SNX29: variants seen among roughly 807,000 people sequenced by gnomAD.
SNX29 encodes the protein sorting nexin-29.
Under a neutral mutation model 102.1 loss-of-function variants are expected in SNX29, and 78 were observed. That is an observed-to-expected ratio of 0.76 (90% CI 0.64 to 0.92). SNX29 has a LOEUF of 0.92. SNX29 is among the 40% of genes least tolerant of loss of function. The pLI is 0.00. For missense variants in SNX29, 1,280 were observed against 1,061.7 expected (o/e 1.21, Z -2.86); for synonymous variants, 580 against 414.5 (o/e 1.40, Z -4.85).
chr16:12,477,909 G>A, intron 19 of SNX29, 50 bp downstream of exon 19: 1 of 1,531,794 alleles, frequency 6.5e-7, no homozygotes, highest in Non-Finnish European at 8.8e-7. Flanking sequence ...CGTTAAAATG[G>A]ATTATTTATT....
intron 14 of SNX29, among the ~76,000 whole-genome samples, chr16:12,219,931 TACAC>T (rs1409280317): frequency 6.6e-6 from 1 of 152,174 alleles, no homozygotes; most frequent in Admixed American, 6.5e-5. Flanking sequence ...CACACACGTG[TACAC>T]ACACGTGCAC....
intron 11 of SNX29, among the ~76,000 whole-genome samples, chr16:12,099,824 A>G (rs1036105241): frequency 3.3e-5 from 5 of 152,156 alleles, no homozygotes; most frequent in Middle Eastern, 3.4e-3. Flanking sequence ...CAGTGCCCTC[A>G]TGACTGCCTG....
At chr16:12,548,637 A>G (rs1653584974) in intron 20 of SNX29, among the ~76,000 whole-genome samples, 1 of 152,226 alleles carries the variant, frequency 6.6e-6, no homozygotes, top group Non-Finnish European at 1.5e-5. Flanking sequence ...GAGGCTCTTC[A>G]GGGGCCTCAT....
rs184147301 is a variant in SNX29 at position 12,312,105 on chromosome 16, A to T, written c.1782+34069A>T. 1.1e-3 allele frequency among the ~76,000 whole-genome samples: 174 copies of T among 152,262 alleles called. 1 individual carries two copies. Among genetic ancestry groups the T allele is most frequent in the African/African-American group, 4.0e-3 (168 of 41,562 alleles). ...TCTGAGCTGCAAGGGAAGCTGGGAA[A>T]TGTAGTCTTTATCTTGCAGCCTTGT... On this transcript the variant is annotated intron_variant, in intron 15 of 20. Coordinates refer to ENST00000566228, the MANE Select transcript of SNX29 (RefSeq NM_032167.5).
chr16:12,361,421 C>G (rs894892390), intron 16 of SNX29, among the ~76,000 whole-genome samples: 1 of 152,032 alleles, frequency 6.6e-6, no homozygotes, highest in African/African-American at 2.4e-5. Flanking sequence ...TAATAAAACC[C>G]GATTAACCTG....
At chr16:12,004,150 G>A (rs575502558) in intron 3 of SNX29, among the ~76,000 whole-genome samples, 3 of 152,048 alleles carry the variant, frequency 2.0e-5, no homozygotes, top group African/African-American at 7.2e-5. Flanking sequence ...GTCCAGCCTG[G>A]CCAAGATGGT....
chr16:12,126,330 G>A (rs1360527012), intron 11 of SNX29, among the ~76,000 whole-genome samples: 1 of 152,188 alleles, frequency 6.6e-6, no homozygotes, highest in African/African-American at 2.4e-5. Flanking sequence ...AACACTTCTA[G>A]GAGATAGTAA....
At chr16:12,253,635 G>C (rs2078485519) in intron 14 of SNX29, among the ~76,000 whole-genome samples, 1 of 152,154 alleles carries the variant, frequency 6.6e-6, no homozygotes. Flanking sequence ...GGAACACCAA[G>C]GAGGCAGCAA....
chr16:11,986,260 C>T (rs1301768373), intron 1 of SNX29, among the ~76,000 whole-genome samples: 1 of 151,586 alleles, frequency 6.6e-6, no homozygotes, highest in East Asian at 1.9e-4. Context: ...AGTGTTTCCT[C>T]TGCTCACCCA....
chr16:12,536,345 G>C (rs1006777890), intron 20 of SNX29, among the ~76,000 whole-genome samples: 1 of 152,064 alleles, frequency 6.6e-6, no homozygotes, highest in Admixed American at 6.6e-5. Context: ...GAAACAAGCC[G>C]TACTGTCAGG....
intron 20 of SNX29, among the ~76,000 whole-genome samples, chr16:12,549,978 C>A (rs867747312): frequency 6.6e-6 from 1 of 152,348 alleles, no homozygotes; most frequent in South Asian, 2.1e-4. Context: ...CAGTCATTCA[C>A]ACTTCATGTA....
At position 12,510,892 on chromosome 16, in the gene SNX29, G is replaced by C. The variant is rs529473022; in HGVS notation, c.2179-13810G>C. Among the ~76,000 whole-genome samples the C allele has an allele frequency of 2.9e-3, 447 of 152,242 alleles. 1 individual carries two copies. Among genetic ancestry groups the C allele is most frequent in the African/African-American group, 9.7e-3 (403 of 41,542 alleles). On this transcript the variant is annotated intron_variant, in intron 19 of 20. Transcript: ENST00000566228. ...CCAGCCTGTGCCAAGCACCGTGGAG[G>C]GTAGAAGGAGTCATCGCAGGTGGGG... is the stretch of plus-strand genomic sequence containing the variant.
At chr16:12,188,174 A>T (rs2076558214) in intron 13 of SNX29, among the ~76,000 whole-genome samples, 1 of 152,220 alleles carries the variant, frequency 6.6e-6, no homozygotes, top group Non-Finnish European at 1.5e-5. Flanking sequence ...TGAATTACTA[A>T]CCGCTAACAT....
At chr16:12,461,365 C>A (rs971569993) in intron 18 of SNX29, among the ~76,000 whole-genome samples, 1 of 152,164 alleles carries the variant, frequency 6.6e-6, no homozygotes, top group Non-Finnish European at 1.5e-5. Flanking sequence ...GGTTTTGCTG[C>A]TTCTATTACT....
At chr16:12,554,769 C>A (rs1292616956) in intron 20 of SNX29, among the ~76,000 whole-genome samples, 1 of 150,864 alleles carries the variant, frequency 6.6e-6, no homozygotes, top group African/African-American at 2.5e-5. Context: ...CGTGCTCTCT[C>A]CCCCGCCATA....
chr16:12,371,060 G>C (rs2082663954), intron 16 of SNX29, among the ~76,000 whole-genome samples: 1 of 152,190 alleles, frequency 6.6e-6, no homozygotes, highest in African/African-American at 2.4e-5. Context: ...TGAGGAAGGT[G>C]ATTTTGTTGA....
At chr16:12,164,068 G>C (rs1251188483) in intron 13 of SNX29, among the ~76,000 whole-genome samples, 1 of 152,154 alleles carries the variant, frequency 6.6e-6, no homozygotes, top group Admixed American at 6.5e-5. Flanking sequence ...TTCTTAGTTG[G>C]GGAAAGCATT....
chr16:12,164,027 T>A (rs890100066), intron 13 of SNX29, among the ~76,000 whole-genome samples: 1 of 151,272 alleles, frequency 6.6e-6, no homozygotes, highest in Non-Finnish European at 1.5e-5. Flanking sequence ...ACCTATGGAG[T>A]GGGAATATCT....
At position 12,096,205 on chromosome 16, in the gene SNX29, A is replaced by G. The variant is rs1472938215; in HGVS notation, c.1402+17290A>G. ...GCTGGGCATCTTTCTTTAAAGGGGA[A>G]ACTTCCCACTGAATTTTGTGTATTA... On this transcript the variant is annotated intron_variant, in intron 11 of 20. Coordinates refer to ENST00000566228, the MANE Select transcript of SNX29 (RefSeq NM_032167.5). This position sits in a 1 kb window ranked among gnomAD's most constrained non-coding sequence, Gnocchi z 4.2. Among the ~76,000 whole-genome samples, 1 of 152,202 alleles carries G rather than the reference A, an allele frequency of 6.6e-6. No homozygotes were observed. Among genetic ancestry groups the G allele is most frequent in the Non-Finnish European group, 1.5e-5 (1 of 68,030 alleles).
Sources: gnomAD v4.1 joint callset for allele counts (sites outside exome capture counted in the v4.1 genomes callset) on GRCh38, gnomAD v4.1.1 for gene constraint, Gnocchi (gnomAD v3.1) non-coding constraint, MANE v1.5 for transcripts, NCBI Gene and HGNC (gene_info 2026-07-23, HGNC 2026-07-21) for gene names.